ADNP: variants seen among roughly 807,000 people sequenced by gnomAD.
The protein encoded by ADNP is activity-dependent neuroprotector homeobox protein.
A neutral mutation model predicts 84.9 loss-of-function variants in ADNP; 4 were observed. That is an observed-to-expected ratio of 0.05 (90% confidence interval 0.02 to 0.11). The LOEUF (loss-of-function observed/expected upper bound fraction) is 0.11. Among genes scored for constraint, ADNP ranks in the 10% least tolerant of loss-of-function variants. The probability of loss-of-function intolerance (pLI) is 1.00; values close to 1 mark genes in which losing one functional copy is unlikely to be tolerated. For missense variants in ADNP, 1,132 were observed against 1,326.0 expected (o/e 0.85, Z 2.27); for synonymous variants, 554 against 468.1 (o/e 1.18, Z -2.37).
In ADNP at chr20:50,892,677, A is replaced by T; in HGVS notation, c.2037T>A (p.Thr679=). ...TGCAGTGAACTAGATGCAGAGTGAT[A>T]GTTGAGGCGGTCATGTTGCTGGTAT... ...GVYTSNMTAS[T]ITLHLVHCRG... is the part of the protein sequence containing the mutation. Residue 679 remains threonine, a synonymous_variant, in exon 6 of 6, where the codon ACT becomes ACA. Coordinates refer to ENST00000621696, the MANE Select transcript of ADNP (RefSeq NM_001282531.3). 1 of 1,614,184 alleles carries T rather than the reference A, an allele frequency of 6.2e-7. No individual in the cohort carries two copies. Among genetic ancestry groups the T allele is most frequent in the East Asian group, 2.2e-5 (1 of 44,884 alleles).
Position 50,894,390 on chromosome 20 carries a change from A to G in ADNP, c.324T>C (p.Asn108=), listed in dbSNP as rs752741631. The G allele has an allele frequency of 2.5e-6, 4 of 1,614,078 alleles. No individual in the cohort carries two copies. Among genetic ancestry groups the G allele is most frequent in the Non-Finnish European group, 3.4e-6 (4 of 1,180,046 alleles). The change falls in exon 6 of 6, where the codon AAT becomes AAC. Residue 108 remains asparagine (N), a synonymous_variant. Transcript: ENST00000621696. ...CTGCATTGAAGGTACAGTAGGGGCA[A>G]TTAAGGAGAATCCTATTTTCAAAGT... ...SEDFENRILL[N]CPYCTFNADK...
chr20:50,919,315 A>ATATATATATATATATC (rs1555815826), intron 2 of ADNP, among the ~76,000 whole-genome samples: 2 of 147,482 alleles, frequency 1.4e-5, no homozygotes, highest in Non-Finnish European at 3.0e-5. Flanking sequence ...ATATATATAT[A>ATATATATATATATATC]TGTAAAAAGC....
chr20:50,912,291 C>T (rs1200907492), intron 2 of ADNP, among the ~76,000 whole-genome samples: 2 of 152,076 alleles, frequency 1.3e-5, no homozygotes, highest in African/African-American at 4.8e-5. Flanking sequence ...GGATTACAGG[C>T]ACGCGCCACC....
At chr20:50,912,867 GTC>G (rs1197769059) in intron 2 of ADNP, among the ~76,000 whole-genome samples, 1 of 152,116 alleles carries the variant, frequency 6.6e-6, no homozygotes, top group African/African-American at 2.4e-5. Flanking sequence ...GAAAAACACA[GTC>G]TCTCTGGGAT....
chr20:50,904,241 T>C (rs1982264280), intron 3 of ADNP: 1 of 474,982 alleles, frequency 2.1e-6, no homozygotes, highest in Non-Finnish European at 3.8e-6. Flanking sequence ...TCGCGCAGGC[T>C]GGAGTGCAGT....
intron 2 of ADNP, among the ~76,000 whole-genome samples, chr20:50,917,986 T>C (rs1447954832): frequency 2.0e-5 from 3 of 152,130 alleles, no homozygotes; most frequent in African/African-American, 7.2e-5. Flanking sequence ...ACTCATGAGG[T>C]ACTTAGAATA....
rs1981136052 is a variant in ADNP at position 50,894,120 on chromosome 20, T to C, written c.594A>G (p.Ala198=). The change falls in exon 6 of 6, where the codon GCA becomes GCG. Residue 198 remains alanine, a synonymous_variant. Coordinates refer to ENST00000621696, the MANE Select transcript of ADNP (RefSeq NM_001282531.3). ...HFQHVAAPYI[A]KAGEKSLNGA... ...CATTGAGTGATTTTTCTCCTGCCTTTGCTATGTAAGGTGCTGCCACATGCT... is the reference window on the plus strand; with the variant it reads ...CATTGAGTGATTTTTCTCCTGCCTTCGCTATGTAAGGTGCTGCCACATGCT... 6.2e-7 allele frequency: 1 copy of C among 1,614,050 alleles called. No individual in the cohort carries two copies. Among genetic ancestry groups the C allele is most frequent in the African/African-American group, 1.3e-5 (1 of 74,916 alleles).
intron 2 of ADNP, among the ~76,000 whole-genome samples, chr20:50,912,146 A>C (rs985871762): frequency 3.3e-5 from 5 of 152,150 alleles, no homozygotes; most frequent in African/African-American, 7.2e-5. Flanking sequence ...CACTTAGCCT[A>C]AACTAGTGAT....
rs1600924422 is a variant in ADNP at position 50,890,900 on chromosome 20, G to GT, written c.*504dup. 4 of 982,082 alleles carry GT rather than the reference G, an allele frequency of 4.1e-6. No individual in the cohort carries two copies. The highest frequency in any genetic ancestry group is 4.8e-6 in the Non-Finnish European group (4 of 826,736). The allele number at this position is 982,082 out of a possible 1,614,324, so 60.8% of individuals were successfully genotyped here. ...AAAAGAAATCTATGATGGGCACACA[G>GT]TAACAGGATCATGAGCATCACTTGA... On this transcript the variant is annotated 3_prime_UTR_variant, in exon 6 of 6. Transcript: ENST00000621696.
chr20:50,916,894 T>C (rs1983551413), intron 2 of ADNP, among the ~76,000 whole-genome samples: 1 of 152,146 alleles, frequency 6.6e-6, no homozygotes, highest in African/African-American at 2.4e-5. Flanking sequence ...AAAAAACAAG[T>C]GTCCAGTGCA....
chr20:50,891,154 G>C lies in ADNP; in HGVS notation c.*251C>G, dbSNP rs1182575823. On this transcript the variant is annotated 3_prime_UTR_variant, in exon 6 of 6. Coordinates refer to ENST00000621696, the MANE Select transcript of ADNP (RefSeq NM_001282531.3). ...ATAAAATAAACCTCTGCTTTTCCTC[G>C]TGTGTATTCATGAGTCACCAGCTTA... 2 of 1,265,584 alleles carry C rather than the reference G, an allele frequency of 1.6e-6. No homozygotes were observed. Among genetic ancestry groups the C allele is most frequent in the South Asian group, 3.0e-5 (1 of 33,030 alleles). 78.4% of individuals were successfully genotyped at this position (1,265,584 alleles called of 1,614,324 possible).
intron 2 of ADNP, chr20:50,914,389 TAGAAGG>T (rs1983336551): frequency 3.4e-6 from 2 of 587,442 alleles, no homozygotes; most frequent in Non-Finnish European, 6.2e-6. Context: ...AAGAGAATGG[TAGAAGG>T]TTAAACAGCT....
chr20:50,902,813 TATTA>T (rs757976628), intron 4 of ADNP, among the ~76,000 whole-genome samples: 11 of 152,174 alleles, frequency 7.2e-5, no homozygotes, highest in Non-Finnish European at 1.2e-4. Context: ...GTGATGTTGG[TATTA>T]ATTATTTCTA....
At chr20:50,912,410 A>G (rs911689313) in intron 2 of ADNP, among the ~76,000 whole-genome samples, 2 of 152,112 alleles carry the variant, frequency 1.3e-5, no homozygotes, top group African/African-American at 4.8e-5. Flanking sequence ...TTGGCCTCCC[A>G]AAGTGCTGGG....
chr20:50,894,813 G>A lies in ADNP; in HGVS notation c.202-301C>T, dbSNP rs187396914. On this transcript the variant is annotated intron_variant, in intron 5 of 5. Transcript: ENST00000621696. The stretch of plus-strand genomic sequence containing the variant: ...TTCAGGAGGGTGAGGCAGGAGAATC[G>A]CCTGAAGCTGGGAGGTGGAGGTTGC... Among the ~76,000 whole-genome samples, 8 of 152,242 alleles carry A rather than the reference G, an allele frequency of 5.3e-5. No individual in the cohort carries two copies. The East Asian group carries it at 5.8e-4, about 11-fold the overall frequency.
intron 5 of ADNP, among the ~76,000 whole-genome samples, chr20:50,900,682 T>C (rs1201413678): frequency 1.3e-5 from 2 of 152,202 alleles, no homozygotes; most frequent in African/African-American, 4.8e-5. Context: ...GGGCCCACGA[T>C]GTTTTAGTGC....
chr20:50,897,820 G>A (rs1981570811), intron 5 of ADNP, among the ~76,000 whole-genome samples: 1 of 152,130 alleles, frequency 6.6e-6, no homozygotes, highest in African/African-American at 2.4e-5. Flanking sequence ...AGCTTGAAGG[G>A]TATGTTATTC....
At chr20:50,926,062 C>T (rs1213887489) in intron 2 of ADNP, among the ~76,000 whole-genome samples, 4 of 152,148 alleles carry the variant, frequency 2.6e-5, no homozygotes, top group African/African-American at 4.8e-5. Context: ...ATTGGGCCAC[C>T]GCACCCCAGC....
At chr20:50,908,242 C>T (rs1402578223) in intron 2 of ADNP, among the ~76,000 whole-genome samples, 1 of 149,826 alleles carries the variant, frequency 6.7e-6, no homozygotes, top group Non-Finnish European at 1.5e-5. Context: ...TTCCTTCTCA[C>T]TCTTATCCCT....
Sources: gnomAD v4.1 joint callset for allele counts (sites outside exome capture counted in the v4.1 genomes callset) on GRCh38, gnomAD v4.1.1 for gene constraint, MANE v1.5 for transcripts, NCBI Gene and HGNC (gene_info 2026-07-23, HGNC 2026-07-21) for gene names.